The following IRAG1 variants were observed in gnomAD, a reference collection of about 807,000 sequenced individuals.
IRAG1 encodes inositol 1,4,5-triphosphate receptor associated 1.
A neutral mutation model predicts 106.2 loss-of-function variants in IRAG1; 62 were observed. The observed-to-expected ratio is 0.58, with a 90% confidence interval of 0.48 to 0.72. IRAG1 has a LOEUF of 0.72. IRAG1 is among the 30% of genes least tolerant of loss of function. The probability of loss-of-function intolerance (pLI) is 0.00; values close to 1 mark genes in which losing one functional copy is unlikely to be tolerated. For synonymous variants in IRAG1, 462 were observed against 443.9 expected, an observed-to-expected ratio of 1.04 and a Z score of -0.51; for missense variants, 1,064 against 1,140.7, an observed-to-expected ratio of 0.93 and a Z score of 0.97.
At chr11:10,664,066 T>C (rs1361596322) in intron 1 of IRAG1, among the ~76,000 whole-genome samples, 2 of 152,142 alleles carry the variant, frequency 1.3e-5, no homozygotes, top group Non-Finnish European at 2.9e-5. Flanking sequence ...AGATGTTTTT[T>C]GATAGGGCAG....
In IRAG1 at chr11:10,626,321, C is replaced by A. The variant is rs376532231; in HGVS notation, c.1013G>T (p.Gly338Val). 1 of 1,613,350 alleles carries A rather than the reference C, an allele frequency of 6.2e-7. No individual in the cohort carries two copies. Residue 338 changes from glycine (G) to valine (V), a missense_variant, in exon 9 of 21, where the codon GGC (glycine) becomes GTC (valine). Physicochemically the swap from Gly to Val is moderately radical, Grantham distance 109 (BLOSUM62 -3). Transcript: ENST00000423302. The stretch of plus-strand genomic sequence containing the variant: ...TCTCGGCAGAGGGCTGCCCTCCCAG[C>A]CCGTTTTCAAGAGCTGCTTCCCCAG... The part of the protein sequence containing the change: ...SELGKQLLKT[G>V]WEGSPLPRSP...
At position 10,600,910 on chromosome 11, in the gene IRAG1, G is replaced by A; in HGVS notation, c.2017+8C>T. 1.2e-6 allele frequency: 2 copies of A among 1,614,028 alleles called. No individual in the cohort carries two copies. Among genetic ancestry groups the A allele is most frequent in the Middle Eastern group, 1.6e-4 (1 of 6,062 alleles). ...GGGCCAAGATGGGGCAGGAGCCTAG[G>A]TCCTTACCAGAGGGGCCACAGCTGC... On this transcript the variant is annotated splice_region_variant and intron_variant, in intron 15 of 20. Coordinates refer to ENST00000423302, the MANE Select transcript of IRAG1 (RefSeq NM_130385.4).
In IRAG1 at chr11:10,658,727, C is replaced by T; in HGVS notation, c.68-6545G>A. On this transcript the variant is annotated intron_variant, in intron 1 of 20. Transcript: ENST00000423302. ...TGCTGTGGTCAGTCCCAGGTCAGTG[C>T]TGTGGTCAGTCCCAGGTCCGTGCTG... The T allele has an allele frequency of 2.0e-5, 4 of 202,664 alleles. No homozygotes were observed. The South Asian group carries it at 2.4e-4, about 12-fold the overall frequency. 12.6% of individuals were successfully genotyped at this position (202,664 alleles called of 1,614,324 possible). A position where few individuals can be genotyped will look rare whatever the true frequency, so the allele number is the denominator to read the frequency against.
intron 1 of IRAG1, among the ~76,000 whole-genome samples, chr11:10,653,345 A>G (rs1339935922): frequency 2.0e-5 from 3 of 152,210 alleles, no homozygotes; most frequent in Non-Finnish European, 2.9e-5. Context: ...TGAACAATTA[A>G]GCCTCTTGGT....
chr11:10,583,622 G>A (rs998457021), intron 18 of IRAG1, among the ~76,000 whole-genome samples: 1 of 152,140 alleles, frequency 6.6e-6, no homozygotes, highest in Non-Finnish European at 1.5e-5. Flanking sequence ...GGGGTGTGTT[G>A]GAGGGAGTGT....
At chr11:10,633,154 A>G (rs1483566266) in intron 3 of IRAG1, among the ~76,000 whole-genome samples, 7 of 148,414 alleles carry the variant, frequency 4.7e-5, no homozygotes, top group South Asian at 2.1e-4. Flanking sequence ...GGCTCACTGC[A>G]AGCTCCGCCT....
At chr11:10,648,405 C>T (rs1389844495) in intron 2 of IRAG1, among the ~76,000 whole-genome samples, 1 of 152,208 alleles carries the variant, frequency 6.6e-6, no homozygotes, top group African/African-American at 2.4e-5. Context: ...TAAGACCTAC[C>T]TCAAGAGATT....
intron 15 of IRAG1, among the ~76,000 whole-genome samples, chr11:10,595,055 G>T (rs1300346392): frequency 6.6e-6 from 1 of 152,158 alleles, no homozygotes; most frequent in African/African-American, 2.4e-5. Flanking sequence ...CTCCCAAGTA[G>T]CTGGGATTAC....
At chr11:10,655,163 G>C (rs1564930756) in intron 1 of IRAG1, among the ~76,000 whole-genome samples, 1 of 152,180 alleles carries the variant, frequency 6.6e-6, no homozygotes. Context: ...CGTATGTACA[G>C]GTCCAGGCTG....
chr11:10,616,734 T>C (rs1855463204), intron 10 of IRAG1, among the ~76,000 whole-genome samples: 1 of 152,238 alleles, frequency 6.6e-6, no homozygotes, highest in Non-Finnish European at 1.5e-5. Context: ...ATAATCTCCC[T>C]CTTTTTCCCT....
intron 10 of IRAG1, among the ~76,000 whole-genome samples, chr11:10,620,629 A>G (rs1855764640): frequency 6.6e-6 from 1 of 152,216 alleles, no homozygotes; most frequent in African/African-American, 2.4e-5. Flanking sequence ...AACAATGACA[A>G]TTATTGATTA....
chr11:10,597,048 G>A (rs1035094685), intron 15 of IRAG1, among the ~76,000 whole-genome samples: 1 of 152,168 alleles, frequency 6.6e-6, no homozygotes, highest in Non-Finnish European at 1.5e-5. Flanking sequence ...AGTTCTTAGA[G>A]GCCTAGGTTC....
chr11:10,639,698 C>A (rs1857382174), intron 2 of IRAG1, among the ~76,000 whole-genome samples: 1 of 152,114 alleles, frequency 6.6e-6, no homozygotes, highest in African/African-American at 2.4e-5. Context: ...TTCTCTTTTT[C>A]TCCTGCTCCA....
At position 10,626,126 on chromosome 11, in the gene IRAG1, C is replaced by A; in HGVS notation, c.1208G>T (p.Gly403Val). 6.5e-7 allele frequency: 1 copy of A among 1,541,340 alleles called. No individual in the cohort carries two copies. Among genetic ancestry groups the A allele is most frequent in the Non-Finnish European group, 8.7e-7 (1 of 1,143,332 alleles). ...GGCAAGCACTTTCTGCAGCCGGGGGCCAGGTTCTTCAGGGCCACTGTCCCA... is the reference window on the plus strand; with the variant it reads ...GGCAAGCACTTTCTGCAGCCGGGGGACAGGTTCTTCAGGGCCACTGTCCCA... ...LSWDSGPEEPGPRLQKVLAKL... is the reference protein window; with the variant it reads ...LSWDSGPEEPVPRLQKVLAKL... Residue 403 changes from glycine (G) to valine (V), a missense_variant, in exon 9 of 21, where the codon GGC becomes GTC. Physicochemically the swap from Gly to Val is moderately radical, Grantham distance 109. Coordinates refer to ENST00000423302, the MANE Select transcript of IRAG1 (RefSeq NM_130385.4).
chr11:10,607,884 C>T (rs535839123), intron 11 of IRAG1, among the ~76,000 whole-genome samples: 73 of 152,314 alleles, frequency 4.8e-4, no homozygotes, highest in African/African-American at 1.5e-3. Context: ...TTGACACTTA[C>T]AGTCCTTGTC....
intron 1 of IRAG1, among the ~76,000 whole-genome samples, chr11:10,661,462 T>G (rs140286484): frequency 6.6e-6 from 1 of 152,338 alleles, no homozygotes; most frequent in Non-Finnish European, 1.5e-5. Flanking sequence ...TTACAATTCT[T>G]GAGGTCAGAA....
intron 3 of IRAG1, among the ~76,000 whole-genome samples, chr11:10,633,290 T>C (rs1591643721): frequency 6.6e-6 from 1 of 152,160 alleles, no homozygotes; most frequent in South Asian, 2.1e-4. Flanking sequence ...TTAGCCAGGA[T>C]GGTCTCGATC....
At chr11:10,605,413 AATG>A (rs1241488429) in intron 12 of IRAG1, among the ~76,000 whole-genome samples, 2 of 152,182 alleles carry the variant, frequency 1.3e-5, no homozygotes, top group Non-Finnish European at 2.9e-5. Context: ...GAATTGACCC[AATG>A]ATGATGATGA....
intron 1 of IRAG1, among the ~76,000 whole-genome samples, chr11:10,666,059 T>C (rs1034751403): frequency 6.6e-6 from 1 of 152,144 alleles, no homozygotes; most frequent in Non-Finnish European, 1.5e-5. Context: ...ACTGCTTAAA[T>C]GGGCATGTGC....
Sources: allele counts gnomAD v4.1 joint callset (sites outside exome capture counted in the v4.1 genomes callset), GRCh38; gene constraint gnomAD v4.1.1; transcripts MANE v1.5; gene names NCBI Gene and HGNC (gene_info 2026-07-23, HGNC 2026-07-21).